Variants in LMLN observed in about 807,000 individuals in gnomAD.
LMLN encodes the protein leishmanolysin-like peptidase.
Under a neutral mutation model 92.3 loss-of-function variants are expected in LMLN, and 70 were observed. The ratio of observed to expected loss-of-function variants is 0.76; its 90% CI spans 0.63 to 0.92. The LOEUF (loss-of-function observed/expected upper bound fraction) is 0.92. Among genes scored for constraint, LMLN ranks in the 40% least tolerant of loss-of-function variants. LMLN has a pLI of 0.00. For synonymous variants in LMLN, 308 were observed against 296.2 expected (o/e 1.04, Z -0.41); for missense variants, 691 against 814.6 (o/e 0.85, Z 1.85).
In LMLN at chr3:198,038,700, T is replaced by C. The variant is rs1233548122; in HGVS notation, c.*33T>C. 6 of 1,490,104 alleles carry C rather than the reference T, an allele frequency of 4.0e-6. No homozygotes were observed. The South Asian group carries it at 6.8e-5, about 17-fold the overall frequency. 92.3% of individuals were successfully genotyped at this position (1,490,104 alleles called of 1,614,324 possible). A position where few individuals can be genotyped will look rare whatever the true frequency, so the allele number is the denominator to read the frequency against. ...AAAGTGGATCTTCAAGATATTCTTT[T>C]ATGTTATGTTCTTGTGAACAAAGCA... is the stretch of plus-strand genomic sequence containing the variant. On this transcript the variant is annotated 3_prime_UTR_variant, in exon 16 of 16. Coordinates refer to ENST00000330198, the Ensembl canonical transcript of LMLN.
At chr3:197,981,424 A>G (rs1721555140) in intron 6 of LMLN, among the ~76,000 whole-genome samples, 1 of 152,262 alleles carries the variant, frequency 6.6e-6, no homozygotes, top group Admixed American at 6.5e-5. Flanking sequence ...TTTTCTTTCC[A>G]GGTGACTCCT....
rs1182832388 is a variant in LMLN at position 197,980,460 on chromosome 3, C to T, written c.684C>T (p.Ile228=). The T allele has an allele frequency of 3.1e-6, 5 of 1,613,910 alleles. No individual in the cohort carries two copies. The African/African-American group carries it at 4.0e-5, about 13-fold the overall frequency. The change falls in exon 6 of 16, where the codon ATC becomes ATT. Residue 228 remains isoleucine (I), a synonymous_variant. Transcript: ENST00000330198. ...CCGAGAGATGCAGCCATGAAAACAT[C>T]ATCTCTTATGCAGCCTATTGTCAGC...
intron 14 of LMLN, among the ~76,000 whole-genome samples, chr3:198,032,274 T>C (rs1222660131): frequency 6.6e-6 from 1 of 152,180 alleles, no homozygotes; most frequent in Non-Finnish European, 1.5e-5. Context: ...GTGACCCGCC[T>C]AAGTTTATAT....
At chr3:198,024,722 A>C in exon 14 of LMLN, 4 of 1,612,714 alleles carry the variant, frequency 2.5e-6, no homozygotes, top group Non-Finnish European at 3.4e-6. Flanking sequence ...TTCAGAAATC[A>C]GCATTCGTTA....
chr3:198,005,499 C>T (rs1178759126), intron 11 of LMLN, among the ~76,000 whole-genome samples: 1 of 151,982 alleles, frequency 6.6e-6, no homozygotes. Context: ...ATTTATAATA[C>T]ATAATACAAT....
At chr3:197,973,181 G>A (rs1721277038) in intron 1 of LMLN, among the ~76,000 whole-genome samples, 1 of 151,974 alleles carries the variant, frequency 6.6e-6, no homozygotes, top group African/African-American at 2.4e-5. Flanking sequence ...TCTGTGGGGA[G>A]GTTAGTCATG....
chr3:198,026,694 G>T (rs1366674056), intron 14 of LMLN, among the ~76,000 whole-genome samples: 1 of 152,180 alleles, frequency 6.6e-6, no homozygotes, highest in Admixed American at 6.5e-5. Context: ...TTCTCCAGAG[G>T]CCCCTAGTTA....
chr3:198,042,607 CAG>C lies in LMLN; in HGVS notation c.*3941_*3942del, dbSNP rs1553829181. ...GCAGCTGTAGTGGAAGTGAGGGACACAGGGAAGGAATGGGGAGCAGCAATTTG... is the reference window on the plus strand; with the variant it reads ...GCAGCTGTAGTGGAAGTGAGGGACACGGAAGGAATGGGGAGCAGCAATTTG... On this transcript the variant is annotated 3_prime_UTR_variant, in exon 16 of 16. Transcript: ENST00000330198. The surrounding 1 kb of genome is among the most constrained non-coding windows in gnomAD (Gnocchi z 4.2). 1 of 152,226 alleles carries C rather than the reference CAG, an allele frequency of 6.6e-6. No individual in the cohort carries two copies. The highest frequency in any genetic ancestry group is 1.9e-4 in the East Asian group (1 of 5,206). 9.4% of individuals were successfully genotyped at this position (152,226 alleles called of 1,614,324 possible).
intron 14 of LMLN, among the ~76,000 whole-genome samples, chr3:198,030,362 A>C (rs1176199522): frequency 6.6e-6 from 1 of 152,192 alleles, no homozygotes; most frequent in Non-Finnish European, 1.5e-5. Flanking sequence ...GACTATGCAG[A>C]CGTGGCGCCT....
intron 9 of LMLN, among the ~76,000 whole-genome samples, chr3:197,991,111 CTTT>C (rs56713833): frequency 1.6e-4 from 22 of 137,788 alleles, no homozygotes; most frequent in Admixed American, 1.4e-4. Context: ...TTCTTTCTTT[CTTT>C]TTTTTTTTTT....
chr3:197,960,975 G>C (rs565374727), intron 1 of LMLN, among the ~76,000 whole-genome samples: 2 of 152,248 alleles, frequency 1.3e-5, no homozygotes, highest in East Asian at 3.9e-4. Context: ...TCGTCACTTT[G>C]TTTGCTTTAC....
At chr3:198,033,767 T>C (rs926317619) in intron 14 of LMLN, among the ~76,000 whole-genome samples, 1 of 152,218 alleles carries the variant, frequency 6.6e-6, no homozygotes, top group Non-Finnish European at 1.5e-5. Flanking sequence ...GGCACTGTAT[T>C]GTGTACTTTT....
chr3:198,002,547 G>A (rs1319719509), intron 11 of LMLN, among the ~76,000 whole-genome samples: 1 of 152,224 alleles, frequency 6.6e-6, no homozygotes, highest in African/African-American at 2.4e-5. Context: ...AGACCAGTGT[G>A]GCAAACATAG....
chr3:197,985,738 G>A (rs1160867471), intron 7 of LMLN, 58 bp from the exon 8 acceptor site: 1 of 1,150,384 alleles, frequency 8.7e-7, no homozygotes, highest in Non-Finnish European at 1.3e-6. Flanking sequence ...TTTGATCGCA[G>A]GCCTGTAATC....
At chr3:198,014,707 G>C (rs150976248) in intron 11 of LMLN, among the ~76,000 whole-genome samples, 8,409 of 137,974 alleles carry the variant, frequency 0.061, 435 homozygotes, top group East Asian at 0.096. Flanking sequence ...CCCCTAACTA[G>C]TCTGACTTCT....
exon 16 of LMLN, chr3:198,039,621 C>T (rs952623972): frequency 2.7e-5 from 4 of 150,012 alleles, no homozygotes; most frequent in African/African-American, 1.0e-4. Context: ...AAATTAATGG[C>T]TGGTATATAG....
chr3:197,972,299 A>G (rs1581131837), intron 1 of LMLN, among the ~76,000 whole-genome samples: 1 of 151,998 alleles, frequency 6.6e-6, no homozygotes, highest in East Asian at 1.9e-4. Context: ...CCTGACCTCA[A>G]GTGATCCACC....
At chr3:197,962,290 G>A (rs556195205) in intron 1 of LMLN, among the ~76,000 whole-genome samples, 1 of 152,032 alleles carries the variant, frequency 6.6e-6, no homozygotes, top group South Asian at 2.1e-4. Context: ...TGTGAGATTC[G>A]TGTTGTATGT....
At chr3:198,011,807 A>T (rs1722450455) in intron 11 of LMLN, among the ~76,000 whole-genome samples, 1 of 152,130 alleles carries the variant, frequency 6.6e-6, no homozygotes, top group Non-Finnish European at 1.5e-5. Context: ...CTTTTTAATG[A>T]TCGCCATTCT....
Sources: allele counts gnomAD v4.1 joint callset (sites outside exome capture counted in the v4.1 genomes callset), GRCh38; gene constraint gnomAD v4.1.1; non-coding constraint Gnocchi (gnomAD v3.1); transcripts MANE v1.5; gene names NCBI Gene and HGNC (gene_info 2026-07-23, HGNC 2026-07-21).